Variants in CNTN5 observed in about 807,000 individuals in gnomAD.
The protein encoded by CNTN5 is contactin 5.
CNTN5 carries 77 observed loss-of-function variants against 129.1 expected under a neutral mutation model. The observed-to-expected ratio is 0.60, with a 90% confidence interval of 0.50 to 0.72. The LOEUF (loss-of-function observed/expected upper bound fraction) is 0.72. Ranked by LOEUF, CNTN5 falls within the 30% of genes least tolerant of loss-of-function variation. CNTN5 has a pLI of 0.00. For synonymous variants in CNTN5, 509 were observed against 465.6 expected (o/e 1.09, Z -1.20); for missense variants, 1,478 against 1,328.8 (o/e 1.11, Z -1.75).
intron 1 of CNTN5, among the ~76,000 whole-genome samples, chr11:99,067,651 A>G (rs1275720850): frequency 2.6e-5 from 4 of 152,176 alleles, no homozygotes; most frequent in Non-Finnish European, 4.4e-5. Context: ...TTCAAGGGAA[A>G]CTTCATTAGA....
chr11:100,352,771 T>C (rs1952445769), intron 24 of CNTN5, among the ~76,000 whole-genome samples: 1 of 151,810 alleles, frequency 6.6e-6, no homozygotes, highest in Non-Finnish European at 1.5e-5. Flanking sequence ...TTATAATGTC[T>C]CTGCATTAAT....
intron 2 of CNTN5, among the ~76,000 whole-genome samples, chr11:99,331,739 C>T (rs1394368529): frequency 6.6e-6 from 1 of 152,124 alleles, no homozygotes; most frequent in African/African-American, 2.4e-5. Flanking sequence ...TCTGCACATT[C>T]AGTGTCTGAC....
intron 3 of CNTN5, among the ~76,000 whole-genome samples, chr11:99,816,976 A>G (rs1946607542): frequency 6.6e-6 from 1 of 152,208 alleles, no homozygotes; most frequent in Admixed American, 6.5e-5. Context: ...GACTCAGTTT[A>G]GATAGAATAT....
chr11:99,823,635 A>G (rs1453156922), intron 4 of CNTN5, among the ~76,000 whole-genome samples: 1 of 152,232 alleles, frequency 6.6e-6, no homozygotes, highest in African/African-American at 2.4e-5. Flanking sequence ...ATTGTCAAAT[A>G]TTGAAAACAT....
chr11:99,873,270 T>TA (rs141043332), intron 6 of CNTN5, among the ~76,000 whole-genome samples: 8,339 of 148,756 alleles, frequency 0.056, 284 homozygotes, highest in East Asian at 0.16. Context: ...TTTTGCACAT[T>TA]AAAAAAAAAA....
chr11:100,222,942 T>G (rs1949295370), intron 15 of CNTN5, among the ~76,000 whole-genome samples: 1 of 152,120 alleles, frequency 6.6e-6, no homozygotes. Context: ...TTAAATTATA[T>G]TGATTTGAAA....
At chr11:99,519,043 T>C (rs1947168398) in intron 2 of CNTN5, among the ~76,000 whole-genome samples, 1 of 152,036 alleles carries the variant, frequency 6.6e-6, no homozygotes, top group Non-Finnish European at 1.5e-5. Flanking sequence ...TTTCCATTTC[T>C]CCTGGAATAA....
chr11:100,225,674 T>G (rs1206705867), intron 16 of CNTN5, among the ~76,000 whole-genome samples: 3 of 152,110 alleles, frequency 2.0e-5, no homozygotes, highest in Non-Finnish European at 4.4e-5. Context: ...ATTACCAAGA[T>G]CCCACCAAGT....
At position 99,073,548 on chromosome 11, in the gene CNTN5, T is replaced by C. The variant is rs543004933; in HGVS notation, c.-210+52278T>C. Among the ~76,000 whole-genome samples the C allele has an allele frequency of 1.6e-4, 24 of 152,028 alleles. No individual in the cohort carries two copies. The South Asian group carries it at 5.0e-3, about 32-fold the overall frequency. On this transcript the variant is annotated intron_variant, in intron 1 of 24. Coordinates refer to ENST00000524871, the MANE Select transcript of CNTN5 (RefSeq NM_014361.4). ...TTTGTCCTAATGCTTTCCCTCCCCT[T>C]GTCCCCCCATCCCCTGACAGGCCAT...
At chr11:99,129,821 A>G (rs1858840731) in intron 1 of CNTN5, among the ~76,000 whole-genome samples, 1 of 152,200 alleles carries the variant, frequency 6.6e-6, no homozygotes, top group Admixed American at 6.5e-5. Flanking sequence ...ATATCCTTGA[A>G]GAAAATAGCT....
At chr11:99,701,995 A>G (rs1295601378) in intron 3 of CNTN5, among the ~76,000 whole-genome samples, 1 of 151,148 alleles carries the variant, frequency 6.6e-6, no homozygotes, top group African/African-American at 2.4e-5. Flanking sequence ...GAGGCCAAGG[A>G]ACCCAGTCAC....
At chr11:99,946,551 T>C (rs1950557157) in intron 7 of CNTN5, among the ~76,000 whole-genome samples, 1 of 152,074 alleles carries the variant, frequency 6.6e-6, no homozygotes, top group African/African-American at 2.4e-5. Flanking sequence ...GGAAAGCCAG[T>C]TTAGAACACC....
intron 9 of CNTN5, among the ~76,000 whole-genome samples, chr11:100,049,132 TG>T (rs1213082553): frequency 3.9e-5 from 6 of 152,224 alleles, no homozygotes; most frequent in South Asian, 2.1e-4. Context: ...GAGCAAGAAA[TG>T]TTTTTTTAAA....
chr11:99,674,087 A>T (rs1217819436), intron 3 of CNTN5, among the ~76,000 whole-genome samples: 1 of 152,288 alleles, frequency 6.6e-6, no homozygotes, highest in East Asian at 1.9e-4. Flanking sequence ...GTGTACAAGC[A>T]TTCCTTTTTC....
intron 2 of CNTN5, among the ~76,000 whole-genome samples, chr11:99,344,241 C>G (rs1047370913): frequency 1.3e-5 from 2 of 152,112 alleles, no homozygotes; most frequent in African/African-American, 4.8e-5. Flanking sequence ...AATTAAGGAT[C>G]TGTATTTTCA....
intron 10 of CNTN5, among the ~76,000 whole-genome samples, chr11:100,069,860 G>T (rs1319724703): frequency 2.0e-5 from 3 of 151,998 alleles, no homozygotes; most frequent in Non-Finnish European, 4.4e-5. Context: ...AATTACAACA[G>T]TATCTCATTC....
At chr11:99,618,062 T>C (rs1049522772) in intron 3 of CNTN5, among the ~76,000 whole-genome samples, 1 of 152,130 alleles carries the variant, frequency 6.6e-6, no homozygotes, top group Non-Finnish European at 1.5e-5. Context: ...GGGGTAAATA[T>C]TTTTAACTAT....
chr11:99,665,781 C>T (rs1952769336), intron 3 of CNTN5, among the ~76,000 whole-genome samples: 1 of 151,946 alleles, frequency 6.6e-6, no homozygotes, highest in South Asian at 2.1e-4. Flanking sequence ...GCCACCGCGC[C>T]TGGCCTAGAG....
intron 13 of CNTN5, among the ~76,000 whole-genome samples, chr11:100,149,893 CAAAAAAAA>C (rs36016957): frequency 1.7e-5 from 2 of 117,148 alleles, no homozygotes; most frequent in Non-Finnish European, 3.5e-5. Context: ...GACTCCATCT[CAAAAAAAA>C]AAAAAAGAAA....
Sources: gnomAD v4.1 joint callset for allele counts (sites outside exome capture counted in the v4.1 genomes callset) on GRCh38, gnomAD v4.1.1 for gene constraint, MANE v1.5 for transcripts, NCBI Gene and HGNC (gene_info 2026-07-23, HGNC 2026-07-21) for gene names.